The following AGBL4 variants were observed in gnomAD, a reference collection of about 807,000 sequenced individuals.
The protein encoded by AGBL4 is AGBL carboxypeptidase 4.
AGBL4 carries 58 observed loss-of-function variants against 66.4 expected under a neutral mutation model. That is an observed-to-expected ratio of 0.87 (90% CI 0.71 to 1.09). The LOEUF (loss-of-function observed/expected upper bound fraction) is 1.09. Among genes scored for constraint, AGBL4 ranks in the 50% least tolerant of loss-of-function variants. The probability of loss-of-function intolerance (pLI) is 0.00; values close to 1 mark genes in which losing one functional copy is unlikely to be tolerated. For synonymous variants in AGBL4, 234 were observed against 222.9 expected, an observed-to-expected ratio of 1.05 and a Z score of -0.44; for missense variants, 579 against 631.0, an observed-to-expected ratio of 0.92 and a Z score of 0.88.
intron 6 of AGBL4, among the ~76,000 whole-genome samples, chr1:48,857,389 C>T (rs529063057): frequency 1.3e-5 from 2 of 152,162 alleles, no homozygotes; most frequent in African/African-American, 4.8e-5. Context: ...GGATCTAATA[C>T]CTAAATTTAA....
chr1:48,549,607 A>G (rs549939679), intron 11 of AGBL4, among the ~76,000 whole-genome samples: 96 of 152,266 alleles, frequency 6.3e-4, no homozygotes, highest in Admixed American at 2.0e-3. Context: ...GCAAATGGAC[A>G]GGAAAATACA....
intron 3 of AGBL4, among the ~76,000 whole-genome samples, chr1:49,317,424 A>G (rs540485873): frequency 4.6e-4 from 70 of 152,060 alleles, no homozygotes; most frequent in African/African-American, 1.2e-3. Flanking sequence ...CTCCAGAATA[A>G]GTGATCAATA....
chr1:49,381,101 C>T (rs1644595523), intron 3 of AGBL4, among the ~76,000 whole-genome samples: 1 of 152,052 alleles, frequency 6.6e-6, no homozygotes, highest in Admixed American at 6.6e-5. Context: ...ACTCATCTGA[C>T]AAAGGGCTAA....
At chr1:48,590,222 T>A (rs1644891313) in intron 10 of AGBL4, among the ~76,000 whole-genome samples, 2 of 151,908 alleles carry the variant, frequency 1.3e-5, no homozygotes, top group Admixed American at 1.3e-4. Context: ...CAGACCAACA[T>A]GGAGAAACCC....
At chr1:48,889,941 ACT>A (rs1387973688) in intron 5 of AGBL4, among the ~76,000 whole-genome samples, 1 of 149,134 alleles carries the variant, frequency 6.7e-6, no homozygotes. Flanking sequence ...AAAATGGGAA[ACT>A]CTTCTGGATC....
chr1:50,019,265 C>CTA (rs1662235277), intron 1 of AGBL4, among the ~76,000 whole-genome samples: 1 of 39,240 alleles, frequency 2.5e-5, no homozygotes, highest in Non-Finnish European at 5.1e-5. Context: ...AAAAAATATT[C>CTA]TCTCTCTCTC....
chr1:49,825,917 A>G (rs1241474882), intron 2 of AGBL4, among the ~76,000 whole-genome samples: 1 of 152,078 alleles, frequency 6.6e-6, no homozygotes, highest in African/African-American at 2.4e-5. Context: ...CAAACATACT[A>G]AAGAACTCAA....
chr1:49,130,473 C>G (rs1224662106), intron 4 of AGBL4, among the ~76,000 whole-genome samples: 5 of 152,160 alleles, frequency 3.3e-5, no homozygotes, highest in Admixed American at 3.3e-4. Context: ...TTTAATCCAT[C>G]TTGAATTAAT....
chr1:49,191,081 G>A (rs1170052855), intron 4 of AGBL4, among the ~76,000 whole-genome samples: 2 of 152,228 alleles, frequency 1.3e-5, no homozygotes, highest in African/African-American at 2.4e-5. Flanking sequence ...GAGATACAGA[G>A]ATGAATCAGA....
intron 2 of AGBL4, among the ~76,000 whole-genome samples, chr1:49,773,686 T>C (rs1004492213): frequency 3.3e-5 from 5 of 152,198 alleles, no homozygotes; most frequent in African/African-American, 1.2e-4. Context: ...GACTCTGGAA[T>C]GGCAAGGCCA....
intron 5 of AGBL4, among the ~76,000 whole-genome samples, chr1:48,988,427 T>C (rs1475768105): frequency 2.0e-5 from 3 of 152,196 alleles, no homozygotes; most frequent in African/African-American, 7.2e-5. Context: ...GCAGACTATA[T>C]ACCTGGATAA....
chr1:49,838,232 A>G (rs2148033538), intron 2 of AGBL4, among the ~76,000 whole-genome samples: 1 of 152,338 alleles, frequency 6.6e-6, no homozygotes, highest in Non-Finnish European at 1.5e-5. Flanking sequence ...AGCTCCGGCT[A>G]TCCAACAATG....
At chr1:48,786,766 G>A (rs567004967) in intron 6 of AGBL4, among the ~76,000 whole-genome samples, 1 of 152,200 alleles carries the variant, frequency 6.6e-6, no homozygotes, top group Non-Finnish European at 1.5e-5. Flanking sequence ...GAACCTGTTG[G>A]TAATCACCTC....
At chr1:49,121,268 C>A (rs1396079146) in intron 4 of AGBL4, among the ~76,000 whole-genome samples, 1 of 152,174 alleles carries the variant, frequency 6.6e-6, no homozygotes, top group Non-Finnish European at 1.5e-5. Flanking sequence ...GAGCTGCAAT[C>A]CTTTGGAGGA....
At chr1:49,740,343 G>A (rs1479697394) in intron 2 of AGBL4, among the ~76,000 whole-genome samples, 2 of 152,196 alleles carry the variant, frequency 1.3e-5, no homozygotes, top group Non-Finnish European at 2.9e-5. Flanking sequence ...TCAACAGGAA[G>A]AGCTAACTAT....
intron 5 of AGBL4, among the ~76,000 whole-genome samples, chr1:48,890,476 T>C (rs961248437): frequency 2.0e-5 from 3 of 152,214 alleles, no homozygotes; most frequent in African/African-American, 7.2e-5. Context: ...CATTTTTCCT[T>C]TCTCTCTTGC....
intron 6 of AGBL4, among the ~76,000 whole-genome samples, chr1:48,739,238 C>T (rs1461524718): frequency 6.6e-6 from 1 of 152,234 alleles, no homozygotes; most frequent in Admixed American, 6.5e-5. Context: ...TCCCTTCAAC[C>T]CGCCCATCCT....
intron 6 of AGBL4, among the ~76,000 whole-genome samples, chr1:48,851,896 C>T (rs1252806658): frequency 6.7e-6 from 1 of 149,382 alleles, no homozygotes; most frequent in African/African-American, 2.5e-5. Context: ...TATCCTGTGG[C>T]TAAGTTATTG....
chr1:48,579,210 C>A (rs1393965054), intron 11 of AGBL4, among the ~76,000 whole-genome samples: 1 of 152,070 alleles, frequency 6.6e-6, no homozygotes, highest in Admixed American at 6.6e-5. Context: ...CAGCTATCAT[C>A]TATCATATTG....
Sources: gnomAD v4.1 joint callset for allele counts (sites outside exome capture counted in the v4.1 genomes callset) on GRCh38, gnomAD v4.1.1 for gene constraint, MANE v1.5 for transcripts, NCBI Gene and HGNC (gene_info 2026-07-23, HGNC 2026-07-21) for gene names.